Variants in NAGA observed in about 807,000 individuals in gnomAD.
The protein encoded by NAGA is alpha-N-acetylgalactosaminidase.
A neutral mutation model predicts 45.6 loss-of-function variants in NAGA; 42 were observed. The observed-to-expected ratio is 0.92, with a 90% CI of 0.72 to 1.19. NAGA has a LOEUF of 1.19. Ranked by LOEUF, NAGA falls within the 50% of genes most tolerant of loss-of-function variation. The probability of loss-of-function intolerance (pLI) is 0.00; values close to 1 mark genes in which losing one functional copy is unlikely to be tolerated. For synonymous variants in NAGA, 176 were observed against 203.1 expected (o/e 0.87, Z 1.13); for missense variants, 493 against 544.8 (o/e 0.90, Z 0.95).
chr22:42,060,989 C>G lies in NAGA; in HGVS notation c.1036G>C (p.Asp346His), dbSNP rs370975865. 2.5e-6 allele frequency: 4 copies of G among 1,614,074 alleles called. No individual in the cohort carries two copies. In the South Asian group the frequency reaches 4.4e-5, roughly 18 times the overall value. The change falls in exon 8 of 9, where the codon GAT (aspartate) becomes CAT (histidine). Residue 346 changes from aspartate to histidine, a missense_variant. By Grantham distance (81) the Asp-to-His change is moderately conservative. Coordinates refer to ENST00000396398, the MANE Select transcript of NAGA (RefSeq NM_000262.3). Reference protein sequence around the residue: ...SALVFFSCRTDMPYRYHSSLG... With the variant: ...SALVFFSCRTHMPYRYHSSLG... ...GAGGAGTGGTAGCGATAAGGCATATCGGTCCTGCAGCTGAAGAAGACTAAG... is the reference window on the plus strand; with the variant it reads ...GAGGAGTGGTAGCGATAAGGCATATGGGTCCTGCAGCTGAAGAAGACTAAG...
At chr22:42,066,646 C>T in intron 5 of NAGA, 64 bp downstream of exon 5, 1 of 1,460,654 alleles carries the variant, frequency 6.8e-7, no homozygotes, top group Non-Finnish European at 9.4e-7. Flanking sequence ...TGAAGCCTGG[C>T]ACTCAGGAGG....
intron 2 of NAGA, among the ~76,000 whole-genome samples, chr22:42,068,191 G>C (rs1021299425): frequency 6.6e-6 from 1 of 152,190 alleles, no homozygotes; most frequent in Non-Finnish European, 1.5e-5. Flanking sequence ...GACCTTCTAA[G>C]AGTTATCTCA....
Position 42,065,787 on chromosome 22 carries a change from T to C in NAGA, c.710A>G (p.Asp237Gly). The change falls in exon 6 of 9, where the codon GAC becomes GGC. Residue 237 changes from aspartate to glycine, a missense_variant. By Grantham distance (94) the Asp-to-Gly change is moderately conservative. Coordinates refer to ENST00000396398, the MANE Select transcript of NAGA (RefSeq NM_000262.3). Reference sequence around the variant, plus strand: ...AGGGCCGGCCACTGGCTGCAGTATGTCCTGGTGCTCCACGAACCAATTCAG... The same window carrying C: ...AGGGCCGGCCACTGGCTGCAGTATGCCCTGGTGCTCCACGAACCAATTCAG... ...SILNWFVEHQDILQPVAGPGH... is the reference protein window; with the variant it reads ...SILNWFVEHQGILQPVAGPGH... 2 of 1,614,112 alleles carry C rather than the reference T, an allele frequency of 1.2e-6. No individual in the cohort carries two copies. Among genetic ancestry groups the C allele is most frequent in the South Asian group, 2.2e-5 (2 of 91,078 alleles).
Position 42,067,915 on chromosome 22 carries a change from C to A in NAGA, c.174G>T (p.Met58Ile). ...ATCCATCCTGTGCCATCCGGTCAGC[C>A]ATCTCCATGAAGAGCTGTTCACTAG... Reference protein sequence around the residue: ...NCISEQLFMEMADRMAQDGWR... With the variant: ...NCISEQLFMEIADRMAQDGWR... The change falls in exon 3 of 9, where the codon ATG (methionine) becomes ATT (isoleucine). Residue 58 changes from methionine (M) to isoleucine (I), a missense_variant. Coordinates refer to ENST00000396398, the MANE Select transcript of NAGA (RefSeq NM_000262.3). 1 of 1,613,668 alleles carries A rather than the reference C, an allele frequency of 6.2e-7. No homozygotes were observed. Among genetic ancestry groups the A allele is most frequent in the South Asian group, 1.1e-5 (1 of 91,084 alleles).
rs1368643243 is a variant in NAGA, at chr22:42,062,966, C to T, written c.818G>A (p.Trp273Ter). 1 of 1,614,196 alleles carries T rather than the reference C, an allele frequency of 6.2e-7. No individual in the cohort carries two copies. The highest frequency in any genetic ancestry group is 8.5e-7 in the Non-Finnish European group (1 of 1,180,042). ...CAAGAGGGGGGCTGCCAGCACCGTC[C>T]ACAGGGCCATCTGGGCCCGGGATTG... ...LEQSRAQMAL[W>*]TVLAAPLLMS... The change falls in exon 7 of 9, where the codon TGG (tryptophan) becomes TAG (stop). Residue 273 changes from tryptophan to a stop codon, truncating the protein, a stop_gained. Coordinates refer to ENST00000396398, the MANE Select transcript of NAGA (RefSeq NM_000262.3). LOFTEE classifies it high-confidence loss of function.
At chr22:42,061,181 A>G (rs1015303047) in intron 7 of NAGA, 114 bp from the exon 8 acceptor site, 10 of 1,342,166 alleles carry the variant, frequency 7.5e-6, no homozygotes, top group Admixed American at 5.9e-5. Context: ...CATGTCACAC[A>G]GGTTTAGGGA....
chr22:42,070,811 A>G lies in NAGA; in HGVS notation c.-514T>C, dbSNP rs891843747. 3.1e-5 allele frequency: 7 copies of G among 224,654 alleles called. No homozygotes were observed. The East Asian group carries it at 3.3e-4, about 11-fold the overall frequency. The allele number at this position is 224,654 out of a possible 1,614,324, so 13.9% of individuals were successfully genotyped here. A position where few individuals can be genotyped will look rare whatever the true frequency, so the allele number is the denominator to read the frequency against. ...CTTCTGACTCGAATCCGGTAACCTG[A>G]TAAGTCCGAAGCGTTCCAGTGAGGG... On this transcript the variant is annotated 5_prime_UTR_variant, in exon 1 of 9. Transcript: ENST00000396398.
rs1228703444 is a variant in NAGA, at chr22:42,059,551, CACCACT to C, written c.*722_*727del. 2 of 152,900 alleles carry C rather than the reference CACCACT, an allele frequency of 1.3e-5. No homozygotes were observed. The highest frequency in any genetic ancestry group is 4.8e-5 in the African/African-American group (2 of 41,444). The allele number at this position is 152,900 out of a possible 1,614,324, so 9.5% of individuals were successfully genotyped here. A position where few individuals can be genotyped will look rare whatever the true frequency, so the allele number is the denominator to read the frequency against. Reference sequence around the variant, plus strand: ...CTTGGCCTCATTGTGTTGTCACCATCACCACTGCCAGCATACCAGGCACAGCAGGGG... The same window carrying C: ...CTTGGCCTCATTGTGTTGTCACCATCGCCAGCATACCAGGCACAGCAGGGG... On this transcript the variant is annotated 3_prime_UTR_variant, in exon 9 of 9. Transcript: ENST00000396398.
intron 3 of NAGA, 149 bp downstream of exon 3, chr22:42,067,616 T>G (rs1926818814): frequency 2.8e-6 from 2 of 712,992 alleles, no homozygotes; most frequent in African/African-American, 3.6e-5. Context: ...TGGCTCTCAC[T>G]CAACAGAATA....
rs2146832077 is a variant in NAGA, at chr22:42,058,810, G to C, written c.*1469C>G. 1 of 152,410 alleles carries C rather than the reference G, an allele frequency of 6.6e-6. No individual in the cohort carries two copies. Among genetic ancestry groups the C allele is most frequent in the Non-Finnish European group, 1.5e-5 (1 of 68,104 alleles). 9.4% of individuals were successfully genotyped at this position (152,410 alleles called of 1,614,324 possible). The stretch of plus-strand genomic sequence containing the variant: ...CACCTGAGACTATTCCATTTTGCCT[G>C]AACAGCACTATGAACAAGACCCAAA... On this transcript the variant is annotated 3_prime_UTR_variant, in exon 9 of 9. Coordinates refer to ENST00000396398, the MANE Select transcript of NAGA (RefSeq NM_000262.3).
At chr22:42,066,558 G>GT in intron 5 of NAGA, 152 bp downstream of exon 5, 1 of 727,718 alleles carries the variant, frequency 1.4e-6, no homozygotes, top group South Asian at 1.8e-5. Context: ...GCTACTTAAT[G>GT]TAGGTCTCTA....
Position 42,070,131 on chromosome 22 carries a change from ATGGGGAAGCATCTCCTCCCTTCCTG to A in NAGA, c.16+126_16+150del. 4.4e-6 allele frequency: 4 copies of A among 916,076 alleles called. No homozygotes were observed. In the South Asian group the frequency reaches 5.2e-5, roughly 12 times the overall value. The allele number at this position is 916,076 out of a possible 1,614,324, so 56.7% of individuals were successfully genotyped here. On this transcript the variant is annotated intron_variant, in intron 1 of 8. Coordinates refer to ENST00000396398, the MANE Select transcript of NAGA (RefSeq NM_000262.3). ...CCTTTGAAGGAGAAATGATTCCCGTATGGGGAAGCATCTCCTCCCTTCCTGCCCAGCTCTAAGTAAAAGAGAGAGG... is the reference window on the plus strand; with the variant it reads ...CCTTTGAAGGAGAAATGATTCCCGTACCCAGCTCTAAGTAAAAGAGAGAGG...
chr22:42,060,535 T>C, intron 8 of NAGA, 122 bp from the exon 9 acceptor site: 3 of 1,387,870 alleles, frequency 2.2e-6, no homozygotes, highest in South Asian at 1.2e-5. Flanking sequence ...GCTTCCAGTA[T>C]GCCCTACAGA....
intron 8 of NAGA, 79 bp from the exon 9 acceptor site, chr22:42,060,492 C>T (rs897240739): frequency 8.8e-6 from 14 of 1,596,136 alleles, no homozygotes; most frequent in Non-Finnish European, 1.1e-5. Context: ...GATGTAGAAG[C>T]CTTCTGCCTG....
chr22:42,067,979 C>T lies in NAGA; in HGVS notation c.153-43G>A, dbSNP rs376911696. On this transcript the variant is annotated intron_variant, in intron 2 of 8. Transcript: ENST00000396398. ...GATGGGGTAGCTCAGGGACCCAGCC[C>T]GGCCCTCACCCACACCCTGCCTCAG... 39 of 1,581,322 alleles carry T rather than the reference C, an allele frequency of 2.5e-5. No homozygotes were observed. In the Admixed American group the frequency reaches 4.8e-4, roughly 20 times the overall value.
intron 1 of NAGA, among the ~76,000 whole-genome samples, chr22:42,069,025 G>A (rs1043197150): frequency 1.3e-5 from 2 of 152,154 alleles, no homozygotes; most frequent in South Asian, 2.1e-4. Context: ...CTGGAAGGCC[G>A]AGGCGAGTGG....
chr22:42,061,205 C>T (rs1030610966), intron 7 of NAGA, 138 bp from the exon 8 acceptor site: 113 of 1,065,418 alleles, frequency 1.1e-4, no homozygotes, highest in Non-Finnish European at 5.3e-5. Context: ...TGCCACGGGC[C>T]TCCAGCACCC....
At chr22:42,069,510 G>A (rs768350082) in intron 1 of NAGA, among the ~76,000 whole-genome samples, 8 of 151,372 alleles carry the variant, frequency 5.3e-5, no homozygotes, top group Non-Finnish European at 7.4e-5. Context: ...CAGCTACTTA[G>A]GAGGCTGAGC....
intron 1 of NAGA, 93 bp downstream of exon 1, chr22:42,070,189 C>T: frequency 1.4e-6 from 2 of 1,391,684 alleles, no homozygotes; most frequent in Non-Finnish European, 2.0e-6. Flanking sequence ...AGGAACCTGT[C>T]TCTCCACATA....
Sources: gnomAD v4.1 joint callset for allele counts (sites outside exome capture counted in the v4.1 genomes callset) on GRCh38, gnomAD v4.1.1 for gene constraint, MANE v1.5 for transcripts, NCBI Gene and HGNC (gene_info 2026-07-23, HGNC 2026-07-21) for gene names.